The following NTRK2 variants were observed in gnomAD, a reference collection of about 807,000 sequenced individuals.
NTRK2 encodes neurotrophic receptor tyrosine kinase 2.
A neutral mutation model predicts 94.5 loss-of-function variants in NTRK2; 13 were observed. The ratio of observed to expected loss-of-function variants is 0.14; its 90% CI spans 0.09 to 0.22. The LOEUF (loss-of-function observed/expected upper bound fraction) is 0.22, where lower values mean the gene tolerates loss of function less well. Ranked by LOEUF, NTRK2 falls within the 10% of genes least tolerant of loss-of-function variation. The pLI is 1.00. For missense variants in NTRK2, 639 were observed against 1,071.2 expected, an observed-to-expected ratio of 0.60 and a Z score of 5.63; for synonymous variants, 372 against 407.4, an observed-to-expected ratio of 0.91 and a Z score of 1.05.
chr9:84,919,405 A>G (rs772874133), intron 14 of NTRK2, among the ~76,000 whole-genome samples: 3 of 152,224 alleles, frequency 2.0e-5, no homozygotes, highest in Non-Finnish European at 4.4e-5. Context: ...CTTAGTCTCC[A>G]GAATGCCTAG....
intron 14 of NTRK2, among the ~76,000 whole-genome samples, chr9:84,897,347 G>A (rs2076788432): frequency 6.6e-6 from 1 of 152,158 alleles, no homozygotes; most frequent in Admixed American, 6.5e-5. Flanking sequence ...ATGTTGGCCA[G>A]GATGGTCTCG....
At chr9:84,855,522 T>G (rs1335918666) in intron 12 of NTRK2, among the ~76,000 whole-genome samples, 1 of 152,120 alleles carries the variant, frequency 6.6e-6, no homozygotes, top group East Asian at 1.9e-4. Flanking sequence ...GACACACAAT[T>G]TTAAATTTGT....
rs1476494402 is a variant in NTRK2, at chr9:84,872,370, A to G, written c.1633+4939A>G. On this transcript the variant is annotated intron_variant, in intron 14 of 18. Coordinates refer to ENST00000277120, the MANE Select transcript of NTRK2 (RefSeq NM_006180.6). ...TCAATCTTGGGTTCTCTTGAAGGGC[A>G]GGAGTGTGTTTTATCTTCTCCCGTC... The G allele has an allele frequency of 2.7e-6, 3 of 1,095,170 alleles. No homozygotes were observed. In the East Asian group the frequency reaches 1.3e-4, roughly 47 times the overall value. 67.8% of individuals were successfully genotyped at this position (1,095,170 alleles called of 1,614,324 possible).
At chr9:84,812,006 G>C (rs200782325) in intron 12 of NTRK2, 41 of 1,042,532 alleles carry the variant, frequency 3.9e-5, no homozygotes, top group Non-Finnish European at 4.6e-5. Context: ...CTGACAGTTA[G>C]ACATGCACAC....
chr9:84,725,863 G>A (rs2062414867), intron 8 of NTRK2, among the ~76,000 whole-genome samples: 2 of 152,064 alleles, frequency 1.3e-5, no homozygotes, highest in Non-Finnish European at 2.9e-5. Context: ...CTCAGAGTGA[G>A]GGACATAGTC....
chr9:84,968,386 TGCAGA>T (rs1200241546), intron 17 of NTRK2, among the ~76,000 whole-genome samples: 2 of 152,216 alleles, frequency 1.3e-5, no homozygotes, highest in East Asian at 3.8e-4. Context: ...TGGCCCACTG[TGCAGA>T]GCAAAGTTCT....
chr9:84,820,232 C>T (rs917193306), intron 12 of NTRK2, among the ~76,000 whole-genome samples: 4 of 145,502 alleles, frequency 2.7e-5, no homozygotes, highest in African/African-American at 5.1e-5. Context: ...TGCAGTGGTG[C>T]GATCTCTGCT....
At chr9:84,818,336 G>A (rs2072557165) in intron 12 of NTRK2, among the ~76,000 whole-genome samples, 1 of 152,286 alleles carries the variant, frequency 6.6e-6, no homozygotes, top group Admixed American at 6.5e-5. Flanking sequence ...AAAGACGGTG[G>A]TAACTCTTAG....
chr9:84,944,213 TCTCACACACACACA>T (rs2078514439), intron 15 of NTRK2, among the ~76,000 whole-genome samples: 1 of 136,822 alleles, frequency 7.3e-6, no homozygotes, highest in Admixed American at 7.4e-5. Context: ...TCTCTCTCTC[TCTCACACACACACA>T]CACACACACA....
At chr9:84,984,797 G>A (rs923179159) in intron 17 of NTRK2, among the ~76,000 whole-genome samples, 2 of 152,136 alleles carry the variant, frequency 1.3e-5, no homozygotes, top group Non-Finnish European at 2.9e-5. Flanking sequence ...TATCTTTGCC[G>A]CTAATGTACT....
rs189989467 is a variant in NTRK2, at chr9:84,875,655, T to C, written c.1633+8224T>C. 2.4e-4 allele frequency: 257 copies of C among 1,056,432 alleles called. 2 individuals carry two copies. The African/African-American group carries it at 3.3e-3, about 14-fold the overall frequency. 65.4% of individuals were successfully genotyped at this position (1,056,432 alleles called of 1,614,324 possible). A position where few individuals can be genotyped will look rare whatever the true frequency, so the allele number is the denominator to read the frequency against. On this transcript the variant is annotated intron_variant, in intron 14 of 18. Transcript: ENST00000277120. The stretch of plus-strand genomic sequence containing the variant: ...GCCTTCACTTCCATCAAGGATACCT[T>C]GGCTGTGCAAGGACCTCTGATAGCT...
chr9:84,696,317 T>G (rs1278095371), intron 2 of NTRK2, among the ~76,000 whole-genome samples: 1 of 152,266 alleles, frequency 6.6e-6, no homozygotes, highest in Non-Finnish European at 1.5e-5. Context: ...TTTTATCACT[T>G]AAATAAATAA....
chr9:85,015,965 G>A (rs1832180135), intron 17 of NTRK2, among the ~76,000 whole-genome samples: 1 of 152,164 alleles, frequency 6.6e-6, no homozygotes, highest in African/African-American at 2.4e-5. Flanking sequence ...TGTGGCTTTA[G>A]GTAAACTACT....
At chr9:84,722,560 G>T (rs1358710916) in intron 6 of NTRK2, among the ~76,000 whole-genome samples, 2 of 152,088 alleles carry the variant, frequency 1.3e-5, no homozygotes, top group Non-Finnish European at 2.9e-5. Flanking sequence ...AGACATAGCT[G>T]TCGGGTGACT....
chr9:84,978,064 C>T (rs1414013231), intron 17 of NTRK2, among the ~76,000 whole-genome samples: 1 of 152,154 alleles, frequency 6.6e-6, no homozygotes, highest in Non-Finnish European at 1.5e-5. Flanking sequence ...CTCTCTATTC[C>T]CTGATACATA....
At chr9:84,925,557 A>G (rs981740436) in intron 14 of NTRK2, among the ~76,000 whole-genome samples, 1 of 151,866 alleles carries the variant, frequency 6.6e-6, no homozygotes, top group African/African-American at 2.4e-5. Context: ...TTCTTTGAGG[A>G]TTCATTTTTG....
chr9:84,923,914 A>G (rs1009721321), intron 14 of NTRK2, among the ~76,000 whole-genome samples: 2 of 151,166 alleles, frequency 1.3e-5, no homozygotes, highest in African/African-American at 4.9e-5. Flanking sequence ...AAAAAAAAAA[A>G]CAACAAAAAC....
At chr9:84,907,770 T>C (rs1166887609) in intron 14 of NTRK2, among the ~76,000 whole-genome samples, 1 of 152,040 alleles carries the variant, frequency 6.6e-6, no homozygotes, top group Non-Finnish European at 1.5e-5. Flanking sequence ...TTGTGGACTT[T>C]AGAGTCTTGT....
chr9:84,788,133 T>C (rs907738773), intron 12 of NTRK2, among the ~76,000 whole-genome samples: 2 of 152,200 alleles, frequency 1.3e-5, no homozygotes, highest in African/African-American at 4.8e-5. Context: ...ATCCAATAAG[T>C]ATATTATCAT....
Sources: gnomAD v4.1 joint callset for allele counts (sites outside exome capture counted in the v4.1 genomes callset) on GRCh38, gnomAD v4.1.1 for gene constraint, MANE v1.5 for transcripts, NCBI Gene and HGNC (gene_info 2026-07-23, HGNC 2026-07-21) for gene names.